The following MECOM variants were observed in gnomAD, a reference collection of about 807,000 sequenced individuals.
The protein encoded by MECOM is MDS1 and EVI1 complex locus, also known as histone-lysine N-methyltransferase MECOM.
In MECOM, 13 loss-of-function variants were observed where a neutral mutation model predicts 116.3. The ratio of observed to expected loss-of-function variants is 0.11; its 90% CI spans 0.07 to 0.18. MECOM has a LOEUF of 0.18. MECOM is among the 10% of genes least tolerant of loss of function. MECOM has a pLI of 1.00. For missense variants in MECOM, 1,299 were observed against 1,509.0 expected, an observed-to-expected ratio of 0.86 and a Z score of 2.31; for synonymous variants, 528 against 535.2, an observed-to-expected ratio of 0.99 and a Z score of 0.19.
intron 1 of MECOM, among the ~76,000 whole-genome samples, chr3:169,399,423 C>T (rs1735520664): frequency 1.3e-5 from 2 of 152,168 alleles, no homozygotes; most frequent in Admixed American, 1.3e-4. Context: ...ATTCAGAATG[C>T]TTGCCCAAGT....
intron 2 of MECOM, among the ~76,000 whole-genome samples, chr3:169,229,587 G>A (rs954005801): frequency 1.3e-5 from 2 of 152,090 alleles, no homozygotes; most frequent in Non-Finnish European, 2.9e-5. Context: ...TCTGGATTCT[G>A]GTTGTGAATT....
chr3:169,168,200 T>C (rs1743893316), intron 2 of MECOM, among the ~76,000 whole-genome samples: 1 of 152,062 alleles, frequency 6.6e-6, no homozygotes, highest in South Asian at 2.1e-4. Context: ...AATCTGTTTT[T>C]TGTTGTGTTT....
chr3:169,326,688 T>C (rs1185102981), intron 2 of MECOM, among the ~76,000 whole-genome samples: 1 of 152,218 alleles, frequency 6.6e-6, no homozygotes, highest in Non-Finnish European at 1.5e-5. Flanking sequence ...TTAAAAATCA[T>C]GTTGCCTTTG....
chr3:169,381,489 G>A lies in MECOM; in HGVS notation c.73C>T (p.Pro25Ser), dbSNP rs888091596. ...ECVYGNYPEIPLEEMPDADGV... is the reference protein window; with the variant it reads ...ECVYGNYPEISLEEMPDADGV... ...TCTGCATCTGGCATTTCTTCCAAAG[G>A]TATTTCAGGGTAGTTGCCATATACA... The change falls in exon 2 of 17, where the codon CCT becomes TCT. Residue 25 changes from proline to serine, a missense_variant. Physicochemically the swap from Pro to Ser is moderately conservative, Grantham distance 74. Coordinates refer to ENST00000651503, the MANE Select transcript of MECOM (RefSeq NM_004991.4). 6.2e-7 allele frequency: 1 copy of A among 1,612,046 alleles called. No homozygotes were observed.
intron 9 of MECOM, among the ~76,000 whole-genome samples, chr3:169,112,185 A>T (rs1727632106): frequency 6.6e-6 from 1 of 152,160 alleles, no homozygotes; most frequent in African/African-American, 2.4e-5. Flanking sequence ...AACCAATTAG[A>T]GATAGTGCTG....
At chr3:169,445,174 A>C (rs1282777943) in intron 1 of MECOM, among the ~76,000 whole-genome samples, 4 of 152,190 alleles carry the variant, frequency 2.6e-5, no homozygotes, top group Admixed American at 6.5e-5. Context: ...AAATTTGCAT[A>C]AGTAGGAAGA....
intron 1 of MECOM, 85 bp from the exon 2 acceptor site, chr3:169,381,609 C>A: frequency 9.8e-7 from 1 of 1,017,568 alleles, no homozygotes. Context: ...TTATGTTGTT[C>A]TTTGAAGGAT....
At chr3:169,134,230 T>A (rs1299869439) in intron 3 of MECOM, among the ~76,000 whole-genome samples, 1 of 152,208 alleles carries the variant, frequency 6.6e-6, no homozygotes, top group African/African-American at 2.4e-5. Context: ...AAGAAATTGA[T>A]GGATACACTG....
chr3:169,252,982 T>C (rs556775823), intron 2 of MECOM, among the ~76,000 whole-genome samples: 3 of 152,342 alleles, frequency 2.0e-5, no homozygotes, highest in South Asian at 4.1e-4. Context: ...TATTCTTTAA[T>C]ACTTAACTCA....
intron 2 of MECOM, among the ~76,000 whole-genome samples, chr3:169,356,978 G>A (rs1405421476): frequency 1.3e-5 from 2 of 151,800 alleles, no homozygotes; most frequent in African/African-American, 4.8e-5. Context: ...CACATAAAGA[G>A]AAAAATGATC....
chr3:169,279,839 T>C (rs891372542), intron 2 of MECOM, among the ~76,000 whole-genome samples: 1 of 152,230 alleles, frequency 6.6e-6, no homozygotes, highest in Non-Finnish European at 1.5e-5. Flanking sequence ...ACAGTCTTAC[T>C]GCCCCCTTTG....
intron 2 of MECOM, among the ~76,000 whole-genome samples, chr3:169,200,801 T>A (rs1047406134): frequency 6.6e-6 from 1 of 152,106 alleles, no homozygotes; most frequent in Non-Finnish European, 1.5e-5. Flanking sequence ...GGCTTCATTC[T>A]AGCATTGTTC....
chr3:169,147,326 C>G (rs1443099760), intron 2 of MECOM: 2 of 985,414 alleles, frequency 2.0e-6, no homozygotes, highest in East Asian at 2.3e-4. Context: ...TGGACCCTCA[C>G]GGGATCGTCC....
chr3:169,612,704 GCT>G (rs1440084237), intron 1 of MECOM, among the ~76,000 whole-genome samples: 1 of 152,086 alleles, frequency 6.6e-6, no homozygotes, highest in East Asian at 1.9e-4. Flanking sequence ...AAAGATTTGA[GCT>G]CTGTTTGAAA....
chr3:169,563,084 A>AT (rs1762842904), intron 1 of MECOM, among the ~76,000 whole-genome samples: 1 of 147,172 alleles, frequency 6.8e-6, no homozygotes, highest in East Asian at 2.1e-4. Context: ...AAAAAAAAAA[A>AT]TGCTGATAAG....
intron 1 of MECOM, among the ~76,000 whole-genome samples, chr3:169,421,538 T>C (rs1008002402): frequency 1.3e-5 from 2 of 152,156 alleles, no homozygotes; most frequent in Non-Finnish European, 2.9e-5. Context: ...CTCTTCTGCT[T>C]CTTAACACTG....
At chr3:169,430,764 A>G (rs370403772) in intron 1 of MECOM, among the ~76,000 whole-genome samples, 42 of 152,310 alleles carry the variant, frequency 2.8e-4, no homozygotes, top group African/African-American at 7.0e-4. Flanking sequence ...TATACCAGCC[A>G]TCTAGTACCA....
At chr3:169,100,666 A>G (rs1473990577) in intron 12 of MECOM, among the ~76,000 whole-genome samples, 1 of 152,150 alleles carries the variant, frequency 6.6e-6, no homozygotes, top group Admixed American at 6.6e-5. Flanking sequence ...TTTTAAACTG[A>G]GAGGTAGGAA....
At position 169,596,153 on chromosome 3, in the gene MECOM, T is replaced by C. The variant is rs532079555; in HGVS notation, c.37+67183A>G. On this transcript the variant is annotated intron_variant, in intron 1 of 16. Coordinates refer to ENST00000651503, the MANE Select transcript of MECOM (RefSeq NM_004991.4). ...AAAAGGTGTAGTTTATTTAATTCAT[T>C]GAAATGTTACATGTAACTCTTTAAT... Among the ~76,000 whole-genome samples the C allele has an allele frequency of 2.0e-5, 3 of 152,344 alleles. No individual in the cohort carries two copies. In the East Asian group the frequency reaches 5.8e-4, roughly 29 times the overall value.
Sources: gnomAD v4.1 joint callset for allele counts (sites outside exome capture counted in the v4.1 genomes callset) on GRCh38, gnomAD v4.1.1 for gene constraint, MANE v1.5 for transcripts, NCBI Gene and HGNC (gene_info 2026-07-23, HGNC 2026-07-21) for gene names.